Variants in PLCL1 observed in about 807,000 individuals in gnomAD.
PLCL1 encodes the protein phospholipase C like 1 (inactive).
PLCL1 carries 41 observed loss-of-function variants against 84.4 expected under a neutral mutation model. That is an observed-to-expected ratio of 0.49 (90% CI 0.38 to 0.63). The LOEUF (loss-of-function observed/expected upper bound fraction) is 0.63, where lower values mean the gene tolerates loss of function less well. Ranked by LOEUF, PLCL1 falls within the 30% of genes least tolerant of loss-of-function variation. PLCL1 has a pLI of 0.00. For synonymous variants in PLCL1, 490 were observed against 488.3 expected, an observed-to-expected ratio of 1.00 and a Z score of -0.05; for missense variants, 1,206 against 1,367.8, an observed-to-expected ratio of 0.88 and a Z score of 1.87.
At chr2:197,860,154 G>T (rs1687402119) in intron 1 of PLCL1, among the ~76,000 whole-genome samples, 1 of 152,004 alleles carries the variant, frequency 6.6e-6, no homozygotes, top group South Asian at 2.1e-4. Flanking sequence ...GTGTTAGTTT[G>T]CTAAGGATAA....
rs1276947823 is a variant in PLCL1, at chr2:197,897,176, TCTTCTTCTTCTTCTC to T, written c.240+91843_240+91857del. On this transcript the variant is annotated intron_variant, in intron 1 of 5. Coordinates refer to ENST00000428675, the MANE Select transcript of PLCL1 (RefSeq NM_006226.4). ...TTCTTCTTCTTCTTCTTCTTCTTCTTCTTCTTCTTCTTCTCCTTCTCCTTCTTCTTTCTTCTTCCT... is the reference window on the plus strand; with the variant it reads ...TTCTTCTTCTTCTTCTTCTTCTTCTTCTTCTCCTTCTTCTTTCTTCTTCCT... Among the ~76,000 whole-genome samples, 65 of 44,906 alleles carry T rather than the reference TCTTCTTCTTCTTCTC, an allele frequency of 1.4e-3. 2 individuals carry two copies. The highest frequency in any genetic ancestry group is 9.3e-3 in the Middle Eastern group (1 of 108). The allele number at this position is 44,906 out of a possible 152,430, so 29.5% of individuals were successfully genotyped here. A position where few individuals can be genotyped will look rare whatever the true frequency, so the allele number is the denominator to read the frequency against.
intron 1 of PLCL1, among the ~76,000 whole-genome samples, chr2:197,971,653 A>C (rs1247807253): frequency 2.0e-5 from 3 of 152,324 alleles, no homozygotes; most frequent in East Asian, 1.9e-4. Flanking sequence ...ATCACATATT[A>C]TGTGTATGTG....
At chr2:197,982,993 A>T (rs79778206) in intron 1 of PLCL1, among the ~76,000 whole-genome samples, 734 of 152,206 alleles carry the variant, frequency 4.8e-3, no homozygotes, top group Non-Finnish European at 8.7e-3. Context: ...AATAATAAAA[A>T]TTGGCTTATA....
At chr2:198,052,018 T>TC (rs1400555194) in intron 1 of PLCL1, among the ~76,000 whole-genome samples, 1 of 152,232 alleles carries the variant, frequency 6.6e-6, no homozygotes, top group African/African-American at 2.4e-5. Flanking sequence ...CAAGTGATTC[T>TC]CCTGCCTCAG....
chr2:198,146,926 G>A lies in PLCL1; in HGVS notation c.3252G>A (p.Glu1084=), dbSNP rs568562355. 3 of 1,612,470 alleles carry A rather than the reference G, an allele frequency of 1.9e-6. No homozygotes were observed. The highest frequency in any genetic ancestry group is 2.2e-5 in the South Asian group (2 of 90,880). Residue 1084 remains glutamate (E), a synonymous_variant, in exon 6 of 6, where the codon GAG becomes GAA. Transcript: ENST00000428675. ...AKSKRSLEAI[E]EKESSEENGK... ...GCAAGCGCAGCCTGGAAGCCATAGA[G>A]GAGAAGGAAAGTAGTGAGGAGAATG...
intron 1 of PLCL1, among the ~76,000 whole-genome samples, chr2:198,023,520 C>T (rs1025863344): frequency 1.3e-5 from 2 of 152,126 alleles, no homozygotes; most frequent in Non-Finnish European, 2.9e-5. Context: ...GGCTAATATC[C>T]GGAATCTACA....
At chr2:197,969,940 C>A (rs769483521) in intron 1 of PLCL1, among the ~76,000 whole-genome samples, 1 of 152,114 alleles carries the variant, frequency 6.6e-6, no homozygotes, top group Non-Finnish European at 1.5e-5. Context: ...ATTCTTTGAG[C>A]CATTGAGATT....
intron 1 of PLCL1, among the ~76,000 whole-genome samples, chr2:197,936,668 G>A (rs1476144179): frequency 6.6e-6 from 1 of 152,100 alleles, no homozygotes; most frequent in Non-Finnish European, 1.5e-5. Flanking sequence ...CAGATGTACA[G>A]TCTGCAGATA....
intron 1 of PLCL1, among the ~76,000 whole-genome samples, chr2:198,030,686 A>T (rs1691389100): frequency 6.6e-6 from 1 of 152,154 alleles, no homozygotes; most frequent in African/African-American, 2.4e-5. Flanking sequence ...CTGTGAGGTG[A>T]ATGTATTGTT....
intron 5 of PLCL1, among the ~76,000 whole-genome samples, chr2:198,146,345 T>C (rs1242392959): frequency 6.6e-6 from 1 of 152,134 alleles, no homozygotes; most frequent in Non-Finnish European, 1.5e-5. Flanking sequence ...CTTTGTAAGC[T>C]CTTGTACAGA....
At chr2:197,886,047 C>CT (rs965473829) in intron 1 of PLCL1, among the ~76,000 whole-genome samples, 5 of 152,092 alleles carry the variant, frequency 3.3e-5, no homozygotes, top group African/African-American at 1.2e-4. Context: ...TTTTAACTTC[C>CT]TTTTTTTCTC....
intron 1 of PLCL1, among the ~76,000 whole-genome samples, chr2:197,874,470 C>G (rs909451311): frequency 2.0e-5 from 3 of 151,974 alleles, no homozygotes; most frequent in Admixed American, 2.0e-4. Flanking sequence ...AAATTTACTG[C>G]TTATTGCAGG....
intron 5 of PLCL1, among the ~76,000 whole-genome samples, chr2:198,108,570 CA>C (rs1693544523): frequency 1.3e-5 from 2 of 151,702 alleles, no homozygotes; most frequent in South Asian, 2.1e-4. Context: ...GTGTTTTCTG[CA>C]GTTCAATATT....
In PLCL1 at chr2:197,808,206, G is replaced by A. The variant is rs563836862; in HGVS notation, c.240+2867G>A. On this transcript the variant is annotated intron_variant, in intron 1 of 5. Coordinates refer to ENST00000428675, the MANE Select transcript of PLCL1 (RefSeq NM_006226.4). ...TTCAACAGCATTGACATTGATAAAT[G>A]CTGCATGTTTTTTGGTAAGCGCATT... Among the ~76,000 whole-genome samples the A allele has an allele frequency of 2.6e-5, 4 of 152,228 alleles. No individual in the cohort carries two copies. The East Asian group carries it at 7.7e-4, about 29-fold the overall frequency.
chr2:197,840,272 T>G (rs1011505406), intron 1 of PLCL1, among the ~76,000 whole-genome samples: 1 of 152,100 alleles, frequency 6.6e-6, no homozygotes, highest in Non-Finnish European at 1.5e-5. Flanking sequence ...TGCACCCAAT[T>G]TACTTTTCCC....
At chr2:197,826,791 C>G (rs1202693105) in intron 1 of PLCL1, among the ~76,000 whole-genome samples, 1 of 152,098 alleles carries the variant, frequency 6.6e-6, no homozygotes, top group East Asian at 1.9e-4. Flanking sequence ...GAGCTCCAAG[C>G]CAGGTGCTTA....
At chr2:198,118,206 A>G (rs1288763829) in intron 5 of PLCL1, among the ~76,000 whole-genome samples, 1 of 151,982 alleles carries the variant, frequency 6.6e-6, no homozygotes, top group African/African-American at 2.4e-5. Flanking sequence ...GATGGAAATT[A>G]CAATTTTAAA....
At chr2:197,863,348 C>A (rs898765475) in intron 1 of PLCL1, among the ~76,000 whole-genome samples, 1 of 152,048 alleles carries the variant, frequency 6.6e-6, no homozygotes, top group Admixed American at 6.6e-5. Context: ...TAAAAGTACT[C>A]AAAACAGTTA....
intron 1 of PLCL1, among the ~76,000 whole-genome samples, chr2:198,040,960 G>A (rs1436875339): frequency 6.6e-6 from 1 of 152,178 alleles, no homozygotes; most frequent in African/African-American, 2.4e-5. Flanking sequence ...CGAATCACAA[G>A]GACTGTTTAA....
Sources: allele counts gnomAD v4.1 joint callset (sites outside exome capture counted in the v4.1 genomes callset), GRCh38; gene constraint gnomAD v4.1.1; transcripts MANE v1.5; gene names NCBI Gene and HGNC (gene_info 2026-07-23, HGNC 2026-07-21).